Variants in GSG1L observed in about 807,000 individuals in gnomAD.
The protein encoded by GSG1L is germ cell-specific gene 1-like protein.
In GSG1L, 24 loss-of-function variants were observed where a neutral mutation model predicts 42.1. The ratio of observed to expected loss-of-function variants is 0.57; its 90% CI spans 0.41 to 0.80. The LOEUF (loss-of-function observed/expected upper bound fraction) is 0.80. Ranked by LOEUF, GSG1L falls within the 30% of genes least tolerant of loss-of-function variation. The pLI is 0.00. For synonymous variants in GSG1L, 215 were observed against 203.5 expected (o/e 1.06, Z -0.48); for missense variants, 445 against 472.2 (o/e 0.94, Z 0.53).
intron 5 of GSG1L, 100 bp from the exon 6 acceptor site, chr16:27,807,654 G>A (rs1259868672): frequency 1.0e-6 from 1 of 982,416 alleles, no homozygotes; most frequent in African/African-American, 1.6e-5. Flanking sequence ...TCCCCCCTCT[G>A]GAGAATATTT....
chr16:27,828,969 C>A lies in GSG1L; in HGVS notation c.663-13G>T. On this transcript the variant is annotated splice_polypyrimidine_tract_variant and intron_variant, in intron 4 of 6. Transcript: ENST00000447459. ...GCCCCACGCCAGGCTGCCAAGAGAT[C>A]AGGAGAGAGATGCCATCGTGAGGGT... 6.2e-7 allele frequency: 1 copy of A among 1,613,432 alleles called. No individual in the cohort carries two copies. Among genetic ancestry groups the A allele is most frequent in the South Asian group, 1.1e-5 (1 of 91,010 alleles).
intron 1 of GSG1L, among the ~76,000 whole-genome samples, chr16:28,006,086 G>T (rs556865135): frequency 5.9e-5 from 9 of 152,226 alleles, no homozygotes; most frequent in Non-Finnish European, 1.2e-4. Flanking sequence ...TCTGAAGATG[G>T]AGAAGACGGG....
At chr16:27,957,265 T>G (rs2085016820) in intron 2 of GSG1L, among the ~76,000 whole-genome samples, 1 of 152,208 alleles carries the variant, frequency 6.6e-6, no homozygotes, top group Non-Finnish European at 1.5e-5. Context: ...GAGAATCACT[T>G]GAACCCAGGA....
intron 3 of GSG1L, among the ~76,000 whole-genome samples, chr16:27,856,885 C>T (rs1295356800): frequency 2.6e-5 from 4 of 152,122 alleles, no homozygotes; most frequent in East Asian, 1.9e-4. Flanking sequence ...CCCATCAGAA[C>T]GTGGAGGTGG....
intron 5 of GSG1L, among the ~76,000 whole-genome samples, chr16:27,810,884 C>G (rs548567405): frequency 6.6e-6 from 1 of 152,198 alleles, no homozygotes; most frequent in East Asian, 1.9e-4. Flanking sequence ...ATGGGGGTCT[C>G]GCCATGTTGC....
chr16:27,958,994 T>C (rs1053572887), intron 2 of GSG1L, among the ~76,000 whole-genome samples: 3 of 152,078 alleles, frequency 2.0e-5, no homozygotes, highest in Non-Finnish European at 4.4e-5. Context: ...AAAATTTCTA[T>C]AACAAGTGTG....
At chr16:27,952,792 G>A (rs1000349441) in intron 2 of GSG1L, among the ~76,000 whole-genome samples, 5 of 152,192 alleles carry the variant, frequency 3.3e-5, no homozygotes, top group African/African-American at 9.7e-5. Flanking sequence ...TATACAACAC[G>A]CACACAGAAA....
intron 1 of GSG1L, among the ~76,000 whole-genome samples, chr16:27,969,877 C>T (rs974259125): frequency 2.6e-5 from 4 of 152,136 alleles, no homozygotes; most frequent in Admixed American, 1.3e-4. Flanking sequence ...TGCTATTGTT[C>T]GTCTTTTTTT....
chr16:27,845,433 G>C (rs1393392264), intron 3 of GSG1L, among the ~76,000 whole-genome samples: 2 of 152,102 alleles, frequency 1.3e-5, no homozygotes, highest in Admixed American at 1.3e-4. Context: ...TGAGCGTCTT[G>C]CTATGTTGCT....
chr16:27,818,268 CATTCCTTCCAG>C (rs2083117621), intron 5 of GSG1L, among the ~76,000 whole-genome samples: 1 of 152,214 alleles, frequency 6.6e-6, no homozygotes, highest in Non-Finnish European at 1.5e-5. Flanking sequence ...AGGGAGTGAA[CATTCCTTCCAG>C]ATTCCTTCCA....
At chr16:27,938,539 G>A (rs1317546713) in intron 2 of GSG1L, among the ~76,000 whole-genome samples, 1 of 152,242 alleles carries the variant, frequency 6.6e-6, no homozygotes, top group Non-Finnish European at 1.5e-5. Flanking sequence ...CCCTGCTGGA[G>A]AAGGAGATTT....
intron 1 of GSG1L, among the ~76,000 whole-genome samples, chr16:27,971,406 C>T (rs1280519643): frequency 6.6e-6 from 1 of 151,922 alleles, no homozygotes; most frequent in African/African-American, 2.4e-5. Flanking sequence ...ATTTTTGATG[C>T]TATTATGAAT....
intron 1 of GSG1L, among the ~76,000 whole-genome samples, chr16:28,032,454 G>A (rs1453200353): frequency 3.9e-5 from 6 of 152,116 alleles, no homozygotes; most frequent in African/African-American, 1.4e-4. Flanking sequence ...TATGCACGAC[G>A]CGCTCTTCCA....
chr16:27,890,966 C>T (rs12925538), intron 2 of GSG1L, among the ~76,000 whole-genome samples: 9,891 of 152,232 alleles, frequency 0.065, 423 homozygotes, highest in Admixed American at 0.11. Context: ...AGCCTGCCCA[C>T]GGCCCTTGGG....
rs2084081346 is a variant in GSG1L at position 27,888,555 on chromosome 16, CTTTCTT to C, written c.398-3923_398-3918del. 2.6e-5 allele frequency among the ~76,000 whole-genome samples: 3 copies of C among 115,628 alleles called. No homozygotes were observed. The Admixed American group carries it at 2.9e-4, about 11-fold the overall frequency. The allele number at this position is 115,628 out of a possible 152,430, so 75.9% of individuals were successfully genotyped here. On this transcript the variant is annotated intron_variant, in intron 2 of 6. Transcript: ENST00000447459. ...TCTTTCTTTCTTTCTTTCTTTCTTT[CTTTCTT>C]TCTTTCTTTCTTTCTTTCTTTCTCC...
chr16:27,983,833 G>A lies in GSG1L; in HGVS notation c.350-20630C>T, dbSNP rs535723680. ...GTGAGATTGTGGCCCATGATTATCT[G>A]CATCTCAGCTTGCAGGAAAACAGCC... On this transcript the variant is annotated intron_variant, in intron 1 of 6. Coordinates refer to ENST00000447459, the MANE Select transcript of GSG1L (RefSeq NM_001109763.2). Among the ~76,000 whole-genome samples the A allele has an allele frequency of 3.3e-5, 5 of 152,260 alleles. No individual in the cohort carries two copies. In the South Asian group the frequency reaches 8.3e-4, roughly 25 times the overall value.
At chr16:27,978,130 G>A (rs935429650) in intron 1 of GSG1L, among the ~76,000 whole-genome samples, 1 of 152,194 alleles carries the variant, frequency 6.6e-6, no homozygotes, top group African/African-American at 2.4e-5. Flanking sequence ...CCTGGCACGG[G>A]CCCTCAGCAG....
At chr16:27,963,969 A>G (rs964171598) in intron 1 of GSG1L, among the ~76,000 whole-genome samples, 16 of 152,210 alleles carry the variant, frequency 1.1e-4, no homozygotes, top group African/African-American at 3.6e-4. Flanking sequence ...TAAAAGAAAG[A>G]AAACAAAAGT....
intron 1 of GSG1L, among the ~76,000 whole-genome samples, chr16:28,031,723 G>C (rs1053559989): frequency 7.9e-5 from 12 of 152,144 alleles, no homozygotes; most frequent in African/African-American, 2.9e-4. Context: ...TCTGACCCCA[G>C]CACACGGATA....
Sources: gnomAD v4.1 joint callset for allele counts (sites outside exome capture counted in the v4.1 genomes callset) on GRCh38, gnomAD v4.1.1 for gene constraint, MANE v1.5 for transcripts, NCBI Gene and HGNC (gene_info 2026-07-23, HGNC 2026-07-21) for gene names.